Variants in DPP10 observed in about 807,000 individuals in gnomAD.
DPP10 encodes the protein inactive dipeptidyl peptidase 10.
DPP10 carries 33 observed loss-of-function variants against 120.9 expected under a neutral mutation model. The ratio of observed to expected loss-of-function variants is 0.27; its 90% confidence interval spans 0.21 to 0.37. The LOEUF (loss-of-function observed/expected upper bound fraction) is 0.37. Ranked by LOEUF, DPP10 falls within the 10% of genes least tolerant of loss-of-function variation. The probability of loss-of-function intolerance (pLI) is 1.00; values close to 1 mark genes in which losing one functional copy is unlikely to be tolerated. For missense variants in DPP10, 816 were observed against 942.8 expected (o/e 0.87, Z 1.76); for synonymous variants, 337 against 326.1 (o/e 1.03, Z -0.36).
At chr2:115,639,031 G>A (rs1267597834) in intron 5 of DPP10, among the ~76,000 whole-genome samples, 1 of 152,116 alleles carries the variant, frequency 6.6e-6, no homozygotes, top group African/African-American at 2.4e-5. Context: ...TGTCTTTGGT[G>A]GCCACTACCA....
At chr2:114,726,301 G>T (rs560812985) in intron 1 of DPP10, among the ~76,000 whole-genome samples, 97 of 151,674 alleles carry the variant, frequency 6.4e-4, no homozygotes, top group African/African-American at 2.3e-3. Context: ...CAGCCATATG[G>T]TTCAGATGAA....
chr2:115,572,433 T>C (rs551673037), intron 5 of DPP10, among the ~76,000 whole-genome samples: 1 of 152,290 alleles, frequency 6.6e-6, no homozygotes, highest in Admixed American at 6.5e-5. Flanking sequence ...TGGAGAAAAA[T>C]AATGTGTATA....
At chr2:115,601,694 G>A (rs2083328389) in intron 5 of DPP10, among the ~76,000 whole-genome samples, 1 of 152,050 alleles carries the variant, frequency 6.6e-6, no homozygotes, top group Non-Finnish European at 1.5e-5. Context: ...TTTTTAAATG[G>A]AGACGGAGTC....
At chr2:115,361,886 T>C (rs2064792038) in intron 3 of DPP10, among the ~76,000 whole-genome samples, 1 of 152,158 alleles carries the variant, frequency 6.6e-6, no homozygotes, top group South Asian at 2.1e-4. Context: ...GGAGAGTTGC[T>C]TCTTGGCTGC....
intron 1 of DPP10, among the ~76,000 whole-genome samples, chr2:115,030,527 C>T (rs1045055010): frequency 1.3e-5 from 2 of 151,966 alleles, no homozygotes; most frequent in African/African-American, 4.8e-5. Context: ...AGAATGTGTA[C>T]GTTTGTTAGT....
intron 1 of DPP10, among the ~76,000 whole-genome samples, chr2:114,534,240 C>CT (rs1478928872): frequency 6.6e-6 from 1 of 151,948 alleles, no homozygotes; most frequent in East Asian, 1.9e-4. Flanking sequence ...CTTTATGTTC[C>CT]TTTTTTTGGT....
intron 17 of DPP10, among the ~76,000 whole-genome samples, chr2:115,790,385 G>C (rs1683837538): frequency 6.6e-6 from 1 of 152,070 alleles, no homozygotes; most frequent in Admixed American, 6.5e-5. Context: ...GGCCTAGAAG[G>C]CTATTTTTGT....
chr2:115,756,054 G>A (rs1038686504), intron 11 of DPP10, among the ~76,000 whole-genome samples: 15 of 152,134 alleles, frequency 9.9e-5, no homozygotes, highest in African/African-American at 3.6e-4. Context: ...TCTGGAGGAC[G>A]TTATGTTAAC....
At chr2:115,405,501 T>A (rs2104526891) in intron 3 of DPP10, among the ~76,000 whole-genome samples, 1 of 152,252 alleles carries the variant, frequency 6.6e-6, no homozygotes, top group Non-Finnish European at 1.5e-5. Context: ...TCTGTGGGTC[T>A]GGAGTCCAGA....
At chr2:115,167,393 AAAACAAAC>A (rs142540388) in intron 1 of DPP10, among the ~76,000 whole-genome samples, 5 of 150,808 alleles carry the variant, frequency 3.3e-5, no homozygotes, top group Non-Finnish European at 7.4e-5. Flanking sequence ...CTTTGTCTCT[AAAACAAAC>A]AAACAAACAA....
At chr2:114,973,319 A>G (rs1276097531) in intron 1 of DPP10, among the ~76,000 whole-genome samples, 1 of 151,856 alleles carries the variant, frequency 6.6e-6, no homozygotes, top group Non-Finnish European at 1.5e-5. Context: ...TATTTACCAT[A>G]CTAGATTTCT....
At chr2:114,991,749 TGAGAGCTTTTTG>T (rs968813119) in intron 1 of DPP10, among the ~76,000 whole-genome samples, 19 of 152,352 alleles carry the variant, frequency 1.2e-4, no homozygotes, top group African/African-American at 4.6e-4. Flanking sequence ...AGAACCATTT[TGAGAGCTTTTTG>T]GAGATGAGTG....
At chr2:114,584,461 T>C (rs1573719871) in intron 1 of DPP10, among the ~76,000 whole-genome samples, 1 of 151,894 alleles carries the variant, frequency 6.6e-6, no homozygotes, top group Non-Finnish European at 1.5e-5. Flanking sequence ...TAGTTACATA[T>C]GTATACATGT....
At chr2:115,035,293 G>A (rs1448796234) in intron 1 of DPP10, among the ~76,000 whole-genome samples, 1 of 152,104 alleles carries the variant, frequency 6.6e-6, no homozygotes. Flanking sequence ...CCCCAGTCAG[G>A]CAGAACAGGG....
At chr2:115,035,601 T>G (rs1704174432) in intron 1 of DPP10, among the ~76,000 whole-genome samples, 2 of 152,166 alleles carry the variant, frequency 1.3e-5, no homozygotes, top group Non-Finnish European at 1.5e-5. Context: ...CAACCTACTC[T>G]TTGATTATAA....
chr2:115,449,781 C>T (rs1262242542), intron 3 of DPP10, among the ~76,000 whole-genome samples: 1 of 152,046 alleles, frequency 6.6e-6, no homozygotes, highest in Non-Finnish European at 1.5e-5. Context: ...GTCAGATCCT[C>T]GGCACATATG....
At chr2:115,784,109 T>G (rs1218370453) in intron 17 of DPP10, among the ~76,000 whole-genome samples, 1 of 152,210 alleles carries the variant, frequency 6.6e-6, no homozygotes, top group African/African-American at 2.4e-5. Flanking sequence ...CATGTTATTT[T>G]CCTGTTCAAA....
chr2:115,592,754 CAAAAACAAAAAAAGAAAG>C (rs1392748961), intron 5 of DPP10, among the ~76,000 whole-genome samples: 149 of 148,472 alleles, frequency 1.0e-3, no homozygotes, highest in African/African-American at 3.6e-3. Flanking sequence ...CACTCGGTCT[CAAAAACAAAAAAAGAAAG>C]AAAGAAAAAA....
intron 4 of DPP10, among the ~76,000 whole-genome samples, chr2:115,503,771 G>A (rs1010878413): frequency 3.5e-4 from 53 of 152,192 alleles, no homozygotes; most frequent in African/African-American, 1.3e-3. Context: ...TCTCCACTGG[G>A]GGTGATTTTG....
Sources: gnomAD v4.1 joint callset for allele counts (sites outside exome capture counted in the v4.1 genomes callset) on GRCh38, gnomAD v4.1.1 for gene constraint, MANE v1.5 for transcripts, NCBI Gene and HGNC (gene_info 2026-07-23, HGNC 2026-07-21) for gene names.